PI4KA: variants seen among roughly 807,000 people sequenced by gnomAD.
PI4KA encodes phosphatidylinositol 4-kinase alpha.
Under a neutral mutation model 271.4 loss-of-function variants are expected in PI4KA, and 122 were observed. The ratio of observed to expected loss-of-function variants is 0.45; its 90% confidence interval spans 0.39 to 0.52. The LOEUF (loss-of-function observed/expected upper bound fraction) is 0.52, where lower values mean the gene tolerates loss of function less well. PI4KA is among the 20% of genes least tolerant of loss of function. PI4KA has a pLI of 0.00. For synonymous variants in PI4KA, 1,041 were observed against 1,078.8 expected, an observed-to-expected ratio of 0.96 and a Z score of 0.69; for missense variants, 1,969 against 2,769.1, an observed-to-expected ratio of 0.71 and a Z score of 6.48.
intron 1 of PI4KA, among the ~76,000 whole-genome samples, chr22:20,840,067 C>A (rs1028510778): frequency 1.3e-5 from 2 of 152,288 alleles, no homozygotes; most frequent in South Asian, 2.1e-4. Context: ...TTTATCAATA[C>A]CCTGCACTAA....
At chr22:20,721,151 G>A in intron 43 of PI4KA, 147 bp downstream of exon 43, 1 of 789,338 alleles carries the variant, frequency 1.3e-6, no homozygotes, top group South Asian at 1.5e-5. Flanking sequence ...TGTGCTGAAA[G>A]GTGAGAAGTG....
intron 6 of PI4KA, 55 bp from the exon 7 acceptor site, chr22:20,818,604 G>T: frequency 7.3e-7 from 1 of 1,375,290 alleles, no homozygotes; most frequent in Non-Finnish European, 9.8e-7. Flanking sequence ...ACCTCCATCA[G>T]ATTTGTCTTA....
chr22:20,823,208 C>T (rs1336682179), intron 4 of PI4KA, among the ~76,000 whole-genome samples: 1 of 152,158 alleles, frequency 6.6e-6, no homozygotes, highest in African/African-American at 2.4e-5. Context: ...GCCACCGCAC[C>T]CAGCCACTTT....
chr22:20,730,595 G>A (rs1601352159), intron 36 of PI4KA, among the ~76,000 whole-genome samples: 1 of 148,554 alleles, frequency 6.7e-6, no homozygotes, highest in South Asian at 2.1e-4. Flanking sequence ...TTTTGAGAAG[G>A]AGTCTCGCTG....
chr22:20,837,333 T>C (rs915122762), intron 2 of PI4KA, among the ~76,000 whole-genome samples: 1 of 152,154 alleles, frequency 6.6e-6, no homozygotes, highest in Non-Finnish European at 1.5e-5. Flanking sequence ...ATAATGACTG[T>C]GCCACTGCAC....
intron 32 of PI4KA, among the ~76,000 whole-genome samples, chr22:20,741,012 G>C: frequency 6.6e-6 from 1 of 152,192 alleles, no homozygotes; most frequent in Non-Finnish European, 1.5e-5. Flanking sequence ...AAAAACATTT[G>C]GATAAATTAT....
intron 44 of PI4KA, 107 bp from the exon 45 acceptor site, chr22:20,717,885 C>T (rs942497306): frequency 1.4e-6 from 1 of 731,466 alleles, no homozygotes; most frequent in African/African-American, 1.7e-5. Context: ...CCCTCTCTTC[C>T]CGGCTCTAGC....
rs1415784551 is a variant in PI4KA at position 20,727,866 on chromosome 22, T to C, written c.4683-2A>G. 1 of 1,612,766 alleles carries C rather than the reference T, an allele frequency of 6.2e-7. No individual in the cohort carries two copies. Among genetic ancestry groups the C allele is most frequent in the Non-Finnish European group, 8.5e-7 (1 of 1,178,930 alleles). On this transcript the variant is annotated splice_acceptor_variant, in intron 39 of 54. Coordinates refer to ENST00000255882, the MANE Select transcript of PI4KA (RefSeq NM_058004.4). LOFTEE classifies it high-confidence loss of function. ...CCAATGGCTTCTGTGTTCTTAAACC[T>C]ACAGTGCACAGAGGGTATGGGTGGT...
chr22:20,806,806 C>T (rs1262846451), intron 10 of PI4KA, among the ~76,000 whole-genome samples: 1 of 152,022 alleles, frequency 6.6e-6, no homozygotes, highest in East Asian at 1.9e-4. Flanking sequence ...TCTGGGCTCA[C>T]TGCAACCTCC....
At chr22:20,794,991 CT>C (rs1357216252) in intron 18 of PI4KA, among the ~76,000 whole-genome samples, 1 of 152,164 alleles carries the variant, frequency 6.6e-6, no homozygotes, top group Non-Finnish European at 1.5e-5. Flanking sequence ...GGGCTGACCC[CT>C]GACCTAGGAC....
At chr22:20,739,461 G>C (rs1286426870) in intron 32 of PI4KA, among the ~76,000 whole-genome samples, 1 of 147,826 alleles carries the variant, frequency 6.8e-6, no homozygotes, top group African/African-American at 2.5e-5. Context: ...TAGCAAGACT[G>C]TCTTCAGGAA....
At chr22:20,710,179 G>A (rs914637662) in intron 52 of PI4KA, 182 bp from the exon 53 acceptor site, 33 of 653,540 alleles carry the variant, frequency 5.0e-5, no homozygotes, top group African/African-American at 3.8e-4. Flanking sequence ...AACCCATACC[G>A]CCCAGGCAAG....
At chr22:20,747,503 C>A (rs756973865) in intron 29 of PI4KA, 80 bp downstream of exon 29, 10 of 1,496,216 alleles carry the variant, frequency 6.7e-6, no homozygotes, top group African/African-American at 1.4e-5. Flanking sequence ...TGAAAAGCGA[C>A]AGCCGAGCTC....
chr22:20,814,240 T>C (rs1341095275), intron 7 of PI4KA, among the ~76,000 whole-genome samples: 1 of 152,130 alleles, frequency 6.6e-6, no homozygotes, highest in African/African-American at 2.4e-5. Context: ...AATACACCTG[T>C]CACTAAAAGA....
Position 20,817,896 on chromosome 22 carries a change from G to C in PI4KA, c.856+587C>G, listed in dbSNP as rs534332307. 2.9e-4 allele frequency among the ~76,000 whole-genome samples: 44 copies of C among 151,444 alleles called. 2 individuals are homozygous for C. In the South Asian group the frequency reaches 8.2e-3, roughly 28 times the overall value. ...TCCTAGCACTCTGGAAGGAAGAAAT[G>C]GGTGGATCACTTGAGGTCAGGAGTT... On this transcript the variant is annotated intron_variant, in intron 7 of 54. Coordinates refer to ENST00000255882, the MANE Select transcript of PI4KA (RefSeq NM_058004.4).
intron 1 of PI4KA, among the ~76,000 whole-genome samples, chr22:20,839,991 C>T (rs148456457): frequency 6.6e-6 from 1 of 152,280 alleles, no homozygotes; most frequent in East Asian, 1.9e-4. Flanking sequence ...ATGAGTCAAT[C>T]ACTGAAGCAC....
At chr22:20,712,091 T>A (rs1188820353) in intron 50 of PI4KA, among the ~76,000 whole-genome samples, 1 of 131,736 alleles carries the variant, frequency 7.6e-6, no homozygotes. Context: ...GGAGTCTCAC[T>A]CTGTTGCCCA....
chr22:20,727,172 G>A, intron 41 of PI4KA, 58 bp downstream of exon 41: 2 of 1,527,808 alleles, frequency 1.3e-6, no homozygotes, highest in Non-Finnish European at 1.8e-6. Flanking sequence ...CCTCTCACCA[G>A]GTAAGACCCC....
In PI4KA at chr22:20,798,447, C is replaced by G. The variant is rs530430989; in HGVS notation, c.2108+137G>C. The G allele has an allele frequency of 8.4e-5, 57 of 680,472 alleles. No homozygotes were observed. The East Asian group carries it at 1.1e-3, about 13-fold the overall frequency. 42.2% of individuals were successfully genotyped at this position (680,472 alleles called of 1,614,324 possible). On this transcript the variant is annotated intron_variant, in intron 17 of 54. Transcript: ENST00000255882. ...GGCCACATTGGGTTTTCACTTCCCC[C>G]CTTATGTGTGCACTGATCTGTAGCA... is the stretch of plus-strand genomic sequence containing the variant.
Sources: gnomAD v4.1 joint callset for allele counts (sites outside exome capture counted in the v4.1 genomes callset) on GRCh38, gnomAD v4.1.1 for gene constraint, MANE v1.5 for transcripts, NCBI Gene and HGNC (gene_info 2026-07-23, HGNC 2026-07-21) for gene names.